The following ASPM variants were observed in gnomAD, a reference collection of about 807,000 sequenced individuals.
ASPM encodes assembly factor for spindle microtubules.
ASPM carries 256 observed loss-of-function variants against 366.4 expected under a neutral mutation model. The ratio of observed to expected loss-of-function variants is 0.70; its 90% CI spans 0.63 to 0.77. ASPM has a LOEUF of 0.77. Among genes scored for constraint, ASPM ranks in the 30% least tolerant of loss-of-function variants. ASPM has a pLI of 0.00. For synonymous variants in ASPM, 1,414 were observed against 1,342.9 expected (o/e 1.05, Z -1.16); for missense variants, 4,146 against 4,090.4 (o/e 1.01, Z -0.37).
At position 197,138,382 on chromosome 1, in the gene ASPM, AACCTCC is replaced by A. The variant is rs552877975; in HGVS notation, c.2026+1379_2026+1384del. ...CAATGGCAAGAACCTGGCTCGCTGC[AACCTCC>A]ACCTCTGGGGCCCAAGTGACTCTCC... On this transcript the variant is annotated intron_variant, in intron 4 of 27. Coordinates refer to ENST00000367409, the MANE Select transcript of ASPM (RefSeq NM_018136.5). Among the ~76,000 whole-genome samples the A allele has an allele frequency of 1.4e-4, 21 of 152,120 alleles. No individual in the cohort carries two copies. The South Asian group carries it at 4.2e-3, about 30-fold the overall frequency.
At chr1:197,143,935 C>G in intron 2 of ASPM, 22 bp downstream of exon 2, 1 of 1,587,930 alleles carries the variant, frequency 6.3e-7, no homozygotes, top group East Asian at 2.2e-5. Context: ...TAGAGTAAAT[C>G]ACAGAATGGT....
In ASPM at chr1:197,122,567, T is replaced by C; in HGVS notation, c.3419A>G (p.Asp1140Gly). The C allele has an allele frequency of 6.2e-7, 1 of 1,610,716 alleles. No individual in the cohort carries two copies. The highest frequency in any genetic ancestry group is 8.5e-7 in the Non-Finnish European group (1 of 1,178,308). ...KVENFTVSFS[D>G]GRVLCYLIHH... ...GATCAGGTAACATAACACACGGCCG[T>C]CTGAGAAAGACACTGTAAAATTCTC... Residue 1140 changes from aspartate to glycine, a missense_variant, in exon 14 of 28, where the codon GAC becomes GGC. Physicochemically the swap from Asp to Gly is moderately conservative, Grantham distance 94. Transcript: ENST00000367409.
intron 18 of ASPM, 77 bp from the exon 19 acceptor site, chr1:197,096,241 GAC>G (rs1558325815): frequency 2.3e-6 from 3 of 1,303,700 alleles, no homozygotes; most frequent in Admixed American, 3.4e-5. Flanking sequence ...TCAGTATAAA[GAC>G]AGTTAAAATA....
At position 197,143,679 on chromosome 1, in the gene ASPM, T is replaced by C. The variant is rs763655631; in HGVS notation, c.573A>G (p.Pro191=). 1 of 1,613,926 alleles carries C rather than the reference T, an allele frequency of 6.2e-7. No individual in the cohort carries two copies. Among genetic ancestry groups the C allele is most frequent in the Admixed American group, 1.7e-5 (1 of 60,022 alleles). ...TAGCCAAGTTTTCACAAGCTTGTAG[T>C]GGGCTCCTAACTCTGTCAACTTTTT... is the stretch of plus-strand genomic sequence containing the variant. ...VSQKVDRVRS[P]LQACENLAMN... The change falls in exon 3 of 28, where the codon CCA becomes CCG. Residue 191 remains proline (P), a synonymous_variant. Coordinates refer to ENST00000367409, the MANE Select transcript of ASPM (RefSeq NM_018136.5).
At chr1:197,138,693 C>T in intron 4 of ASPM, 1 of 631,798 alleles carries the variant, frequency 1.6e-6, no homozygotes, top group Non-Finnish European at 2.8e-6. Context: ...AATACAATCA[C>T]AGGAAGCTGG....
Position 197,100,498 on chromosome 1 carries a change from G to T in ASPM, c.8753C>A (p.Ala2918Asp), listed in dbSNP as rs1187619546. 6.2e-7 allele frequency: 1 copy of T among 1,608,164 alleles called. No individual in the cohort carries two copies. Among genetic ancestry groups the T allele is most frequent in the Admixed American group, 1.7e-5 (1 of 59,520 alleles). The change falls in exon 18 of 28, where the codon GCT becomes GAT. Residue 2918 changes from alanine to aspartate, a missense_variant. Physicochemically the swap from Ala to Asp is moderately radical, Grantham distance 126. Coordinates refer to ENST00000367409, the MANE Select transcript of ASPM (RefSeq NM_018136.5). ...TTTCTGTATAAATCCTTTACTTCTA[G>T]CTTGAATAATGATAACACTGCTTCT... ...QIRSSVIIIQ[A>D]RSKGFIQKRK...
rs759777689 is a variant in ASPM at position 197,101,693 on chromosome 1, C to T, written c.7558G>A (p.Ala2520Thr). The change falls in exon 18 of 28, where the codon GCA (alanine) becomes ACA (threonine). Residue 2520 changes from alanine (A) to threonine (T), a missense_variant. Physicochemically the swap from Ala to Thr is moderately conservative, Grantham distance 58. This residue lies in a region of ASPM where 3,624 missense variants were observed against 3,591.7 expected (regional missense o/e 1.01). Transcript: ENST00000367409. ...IQQHYRTYRA[A>T]KLQRENYIRQ... Reference sequence around the variant, plus strand: ...ATATAATTTTCTCTTTGTAATTTTGCAGCTCTATATGTTCGATAATGTTGC... The same window carrying T: ...ATATAATTTTCTCTTTGTAATTTTGTAGCTCTATATGTTCGATAATGTTGC... 1 of 1,612,072 alleles carries T rather than the reference C, an allele frequency of 6.2e-7. No homozygotes were observed. The highest frequency in any genetic ancestry group is 1.7e-5 in the Admixed American group (1 of 59,760).
intron 13 of ASPM, among the ~76,000 whole-genome samples, chr1:197,123,457 A>C (rs1657981120): frequency 6.6e-6 from 1 of 152,200 alleles, no homozygotes; most frequent in Admixed American, 6.6e-5. Flanking sequence ...TATGGAATTA[A>C]TTAATACCGA....
At chr1:197,113,240 G>T (rs537305325) in intron 17 of ASPM, among the ~76,000 whole-genome samples, 1 of 152,084 alleles carries the variant, frequency 6.6e-6, no homozygotes, top group South Asian at 2.1e-4. Flanking sequence ...GGAAGTGTGG[G>T]TTGGAAGATT....
chr1:197,104,040 T>C lies in ASPM; in HGVS notation c.5211A>G (p.Ala1737=). ...TTCGGACAAGGTATCCTCTAACAAA[T>C]GCTTGCAGTTTGATACAAGATTCCC... ...QMRESCIKLQ[A]FVRGYLVRKQ... Residue 1737 remains alanine, a synonymous_variant, in exon 18 of 28, where the codon GCA becomes GCG. Coordinates refer to ENST00000367409, the MANE Select transcript of ASPM (RefSeq NM_018136.5). The C allele has an allele frequency of 6.2e-7, 1 of 1,612,902 alleles. No homozygotes were observed.
chr1:197,125,077 T>C lies in ASPM; in HGVS notation c.3051A>G (p.Lys1017=). 1 of 1,614,034 alleles carries C rather than the reference T, an allele frequency of 6.2e-7. No individual in the cohort carries two copies. The highest frequency in any genetic ancestry group is 8.5e-7 in the Non-Finnish European group (1 of 1,179,932). Residue 1017 remains lysine, a synonymous_variant, in exon 11 of 28, where the codon AAA becomes AAG. Coordinates refer to ENST00000367409, the MANE Select transcript of ASPM (RefSeq NM_018136.5). Reference sequence around the variant, plus strand: ...CATCACTTAATTCAATTCCTCGTGATTTAAGAACTTGAAGAACAATGTCAA... The same window carrying C: ...CATCACTTAATTCAATTCCTCGTGACTTAAGAACTTGAAGAACAATGTCAA... ...HNVDIVLQVL[K]SRGIELSDEH...
chr1:197,109,991 T>C (rs1657534702), intron 17 of ASPM, among the ~76,000 whole-genome samples: 2 of 152,204 alleles, frequency 1.3e-5, no homozygotes, highest in South Asian at 4.1e-4. Context: ...CATAGTAAAG[T>C]TGTCAGTGTA....
rs769743214 is a variant in ASPM, at chr1:197,122,561, C to G, written c.3425G>C (p.Arg1142Pro). ...ATGGTGGATCAGGTAACATAACACA[C>G]GGCCGTCTGAGAAAGACACTGTAAA... ...ENFTVSFSDG[R>P]VLCYLIHHYH... The change falls in exon 14 of 28, where the codon CGT becomes CCT. Residue 1142 changes from arginine to proline, a missense_variant. Coordinates refer to ENST00000367409, the MANE Select transcript of ASPM (RefSeq NM_018136.5). 1 of 1,611,692 alleles carries G rather than the reference C, an allele frequency of 6.2e-7. No individual in the cohort carries two copies. The highest frequency in any genetic ancestry group is 1.1e-5 in the South Asian group (1 of 90,692).
At chr1:197,126,619 A>C (rs769186303) in intron 10 of ASPM, among the ~76,000 whole-genome samples, 2 of 152,132 alleles carry the variant, frequency 1.3e-5, no homozygotes, top group African/African-American at 2.4e-5. Flanking sequence ...TTAACCAACT[A>C]AAAAAATGTG....
chr1:197,104,958 G>C lies in ASPM; in HGVS notation c.4293C>G (p.Phe1431Leu). 2 of 1,611,948 alleles carry C rather than the reference G, an allele frequency of 1.2e-6. No homozygotes were observed. Among genetic ancestry groups the C allele is most frequent in the Non-Finnish European group, 1.7e-6 (2 of 1,179,038 alleles). ...GCATTTTACGTTGCTTCCATTTTCT[G>C]AACATAGATTGGATTATAAGAGTTG... ...KSSTLIIQSMFRKWKQRKMQS... is the reference protein window; with the variant it reads ...KSSTLIIQSMLRKWKQRKMQS... Residue 1431 changes from phenylalanine to leucine, a missense_variant, in exon 18 of 28, where the codon TTC (phenylalanine) becomes TTG (leucine). Phe to Leu is a conservative substitution (Grantham distance 22). This residue lies in a region of ASPM where 3,624 missense variants were observed against 3,591.7 expected (regional missense o/e 1.01). Coordinates refer to ENST00000367409, the MANE Select transcript of ASPM (RefSeq NM_018136.5).
chr1:197,139,348 G>GGGTGCTGGGATTT, intron 4 of ASPM: 1 of 645,538 alleles, frequency 1.5e-6, no homozygotes. Flanking sequence ...TGAAATCCCA[G>GGGTGCTGGGATTT]CACCCTGGGA....
At position 197,091,981 on chromosome 1, in the gene ASPM, T is replaced by C. The variant is rs1263527811; in HGVS notation, c.9370A>G (p.Ile3124Val). 1.2e-6 allele frequency: 2 copies of C among 1,612,028 alleles called. No individual in the cohort carries two copies. Among genetic ancestry groups the C allele is most frequent in the East Asian group, 2.2e-5 (1 of 44,746 alleles). ...AAYYHLNAVR[I>V]QRAYKLYLAV... ...AGGTAAAGTTTATAGGCTCTTTGAA[T>C]TCTAACAGCATTCAGGTGATAATAT... is the stretch of plus-strand genomic sequence containing the variant. Residue 3124 changes from isoleucine (I) to valine (V), a missense_variant, in exon 22 of 28, where the codon ATT becomes GTT. Transcript: ENST00000367409.
chr1:197,090,028 T>C lies in ASPM; in HGVS notation c.9886A>G (p.Ile3296Val), dbSNP rs1656724182. 6.2e-7 allele frequency: 1 copy of C among 1,613,392 alleles called. No homozygotes were observed. Among genetic ancestry groups the C allele is most frequent in the African/African-American group, 1.3e-5 (1 of 74,976 alleles). The part of the protein sequence containing the change: ...CCENMAQSGA[I>V]SKIFVLIRSC... ...CGGATCAAAACAAATATTTTAGAAA[T>C]TGCTCCACTCTGGGCCATGTTCTCA... is the stretch of plus-strand genomic sequence containing the variant. Residue 3296 changes from isoleucine to valine, a missense_variant, in exon 25 of 28, where the codon ATT becomes GTT. Transcript: ENST00000367409.
At chr1:197,107,578 T>C (rs892264179) in intron 17 of ASPM, among the ~76,000 whole-genome samples, 3 of 151,838 alleles carry the variant, frequency 2.0e-5, no homozygotes, top group African/African-American at 7.3e-5. Context: ...GAAAAGATAA[T>C]CAATAGACAC....
Sources: gnomAD v4.1 joint callset for allele counts (sites outside exome capture counted in the v4.1 genomes callset) on GRCh38, gnomAD v4.1.1 for gene constraint, gnomAD v4.1.1 regional missense constraint, MANE v1.5 for transcripts, NCBI Gene and HGNC (gene_info 2026-07-23, HGNC 2026-07-21) for gene names.